TBPL2: variants seen among roughly 807,000 people sequenced by gnomAD.
TBPL2 encodes TATA box-binding protein-like 2.
A neutral mutation model predicts 38.2 loss-of-function variants in TBPL2; 40 were observed. That is an observed-to-expected ratio of 1.05 (90% CI 0.81 to 1.36). TBPL2 has a LOEUF of 1.36. Ranked by LOEUF, TBPL2 falls within the 40% of genes most tolerant of loss-of-function variation. TBPL2 has a pLI of 0.00. For synonymous variants in TBPL2, 169 were observed against 171.7 expected, an observed-to-expected ratio of 0.98 and a Z score of 0.12; for missense variants, 461 against 456.7, an observed-to-expected ratio of 1.01 and a Z score of -0.09.
exon 5 of TBPL2, chr14:55,428,857 T>A (rs1462379984): frequency 6.2e-7 from 1 of 1,614,044 alleles, no homozygotes; most frequent in African/African-American, 1.3e-5. Flanking sequence ...TGATGGGAAA[T>A]CTCACATCAC....
intron 6 of TBPL2, among the ~76,000 whole-genome samples, chr14:55,420,918 G>A (rs891212249): frequency 1.5e-4 from 23 of 151,992 alleles, no homozygotes; most frequent in African/African-American, 5.1e-4. Flanking sequence ...AAAATTAGCT[G>A]GGCATAGTGG....
At chr14:55,439,218 C>G (rs11845228) in intron 1 of TBPL2, among the ~76,000 whole-genome samples, 1 of 149,078 alleles carries the variant, frequency 6.7e-6, no homozygotes, top group African/African-American at 2.5e-5. Flanking sequence ...GGATTACAGG[C>G]GTGAGCCACC....
exon 1 of TBPL2, chr14:55,440,560 G>C (rs569954353): frequency 1.9e-6 from 3 of 1,578,390 alleles, no homozygotes; most frequent in South Asian, 2.3e-5. Flanking sequence ...GAGCCTGGGG[G>C]CAGCGAGGCG....
chr14:55,430,398 TAAAAAA>T (rs370880582), intron 4 of TBPL2, among the ~76,000 whole-genome samples: 5 of 119,802 alleles, frequency 4.2e-5, no homozygotes, highest in Admixed American at 1.8e-4. Flanking sequence ...TCACCCACTT[TAAAAAA>T]AAAAAAAAAA....
chr14:55,438,052 A>C (rs1886044286), intron 1 of TBPL2, among the ~76,000 whole-genome samples: 1 of 152,188 alleles, frequency 6.6e-6, no homozygotes, highest in African/African-American at 2.4e-5. Flanking sequence ...GAAAAAATCG[A>C]TTAGCTTGAT....
At chr14:55,439,617 C>CCCCCCGCCCCG (rs1555344743) in intron 1 of TBPL2, among the ~76,000 whole-genome samples, 4 of 72,628 alleles carry the variant, frequency 5.5e-5, no homozygotes, top group Non-Finnish European at 8.9e-5. Context: ...AAAGCAAACC[C>CCCCCCGCCCCG]CCCCCCGTCT....
exon 4 of TBPL2, chr14:55,433,648 A>T (rs1885969871): frequency 6.2e-7 from 1 of 1,613,918 alleles, no homozygotes; most frequent in Non-Finnish European, 8.5e-7. Context: ...TCCCGTGCAG[A>T]CCATCTTCCC....
intron 2 of TBPL2, 46 bp from the exon 3 acceptor site, chr14:55,435,980 TAA>T (rs113744998): frequency 1.5e-3 from 1,304 of 857,316 alleles, no homozygotes; most frequent in South Asian, 2.2e-3. Context: ...ATATAAAGAG[TAA>T]AAAAAAAAAA....
chr14:55,430,333 C>G (rs1031869999), intron 4 of TBPL2, among the ~76,000 whole-genome samples: 3 of 151,592 alleles, frequency 2.0e-5, no homozygotes, highest in Admixed American at 1.3e-4. Flanking sequence ...ACACTGCCCC[C>G]TCTTGGGTAT....
At chr14:55,420,758 C>A (rs1885729715) in intron 6 of TBPL2, among the ~76,000 whole-genome samples, 1 of 152,012 alleles carries the variant, frequency 6.6e-6, no homozygotes, top group South Asian at 2.1e-4. Flanking sequence ...TAAATGAAAG[C>A]TTTTTAAAAG....
chr14:55,435,977 GA>G, intron 2 of TBPL2, 43 bp from the exon 3 acceptor site: 6 of 1,084,992 alleles, frequency 5.5e-6, no homozygotes, highest in Non-Finnish European at 6.4e-6. Context: ...CAGATATAAA[GA>G]GTAAAAAAAA....
chr14:55,417,997 T>C (rs1275083500), intron 6 of TBPL2, among the ~76,000 whole-genome samples: 2 of 152,208 alleles, frequency 1.3e-5, no homozygotes, highest in Non-Finnish European at 2.9e-5. Flanking sequence ...AACCTTCTTG[T>C]AGAGTTGTGA....
chr14:55,420,845 G>T (rs1340595143), intron 6 of TBPL2, among the ~76,000 whole-genome samples: 11 of 152,124 alleles, frequency 7.2e-5, no homozygotes, highest in African/African-American at 2.7e-4. Context: ...GGATCACGAG[G>T]TCAGGAGATC....
intron 1 of TBPL2, among the ~76,000 whole-genome samples, 197 bp from the exon 2 acceptor site, chr14:55,437,215 G>A (rs1340189312): frequency 6.6e-6 from 1 of 152,014 alleles, no homozygotes; most frequent in Non-Finnish European, 1.5e-5. Context: ...GGTAGCTCAC[G>A]CCTGTAATCC....
In TBPL2 at chr14:55,422,509, G is replaced by A. The variant is rs191265847; in HGVS notation, c.1051+1650C>T. On this transcript the variant is annotated intron_variant, in intron 6 of 6. Transcript: ENST00000247219. Reference sequence around the variant, plus strand: ...CATAATTCGCCTGCCTCGGCCTCCCGAAGTGCTAGGATTACAGGCGTGAGC... The same window carrying A: ...CATAATTCGCCTGCCTCGGCCTCCCAAAGTGCTAGGATTACAGGCGTGAGC... Among the ~76,000 whole-genome samples the A allele has an allele frequency of 8.9e-3, 1,354 of 152,114 alleles. 25 individuals carry two copies. The highest frequency in any genetic ancestry group is 0.031 in the African/African-American group (1,300 of 41,492).
chr14:55,426,525 G>C (rs7493177), intron 5 of TBPL2, among the ~76,000 whole-genome samples: 1 of 152,092 alleles, frequency 6.6e-6, no homozygotes, highest in East Asian at 1.9e-4. Flanking sequence ...GACAATTAGA[G>C]AGGCCTCATG....
intron 6 of TBPL2, among the ~76,000 whole-genome samples, chr14:55,420,509 A>T (rs186294380): frequency 0.016 from 2,370 of 152,274 alleles, 74 homozygotes; most frequent in African/African-American, 0.055. Flanking sequence ...AAACGCCAAG[A>T]GATGATAATT....
exon 5 of TBPL2, chr14:55,428,815 C>A (rs78201646): frequency 1.2e-6 from 2 of 1,613,866 alleles, no homozygotes; most frequent in Non-Finnish European, 1.7e-6. Context: ...ACCTACTGAA[C>A]TGCTGATGGG....
intron 4 of TBPL2, among the ~76,000 whole-genome samples, chr14:55,432,825 G>A (rs534126311): frequency 6.6e-6 from 1 of 152,166 alleles, no homozygotes; most frequent in African/African-American, 2.4e-5. Context: ...GAGTTATGGT[G>A]AAAGAATACC....
Sources: gnomAD v4.1 joint callset for allele counts (sites outside exome capture counted in the v4.1 genomes callset) on GRCh38, gnomAD v4.1.1 for gene constraint, MANE v1.5 for transcripts, NCBI Gene and HGNC (gene_info 2026-07-23, HGNC 2026-07-21) for gene names.